Variants in NELL1 observed in about 807,000 individuals in gnomAD.
NELL1 encodes neural EGFL like 1.
In NELL1, 76 loss-of-function variants were observed where a neutral mutation model predicts 107.4. That is an observed-to-expected ratio of 0.71 (90% CI 0.59 to 0.86). The LOEUF is 0.86. Among genes scored for constraint, NELL1 ranks in the 40% least tolerant of loss-of-function variants. NELL1 has a pLI of 0.00. For synonymous variants in NELL1, 353 were observed against 341.2 expected (o/e 1.03, Z -0.38); for missense variants, 1,024 against 1,005.5 (o/e 1.02, Z -0.25).
At chr11:20,693,383 G>C (rs552492873) in intron 2 of NELL1, among the ~76,000 whole-genome samples, 1 of 151,924 alleles carries the variant, frequency 6.6e-6, no homozygotes, top group Admixed American at 6.6e-5. Context: ...TCCTAGTCTC[G>C]ATGGTCTTTA....
chr11:21,308,175 T>C (rs986065885), intron 14 of NELL1, among the ~76,000 whole-genome samples: 2 of 151,978 alleles, frequency 1.3e-5, no homozygotes, highest in Non-Finnish European at 2.9e-5. Context: ...CCTCGTGGGG[T>C]TGCTGTGAAC....
chr11:20,723,260 T>G (rs1855433361), intron 2 of NELL1, among the ~76,000 whole-genome samples: 1 of 152,142 alleles, frequency 6.6e-6, no homozygotes. Context: ...CTCAAAAATC[T>G]AAGTCCAAAG....
At chr11:21,527,556 T>C (rs891793894) in intron 15 of NELL1, among the ~76,000 whole-genome samples, 1 of 152,168 alleles carries the variant, frequency 6.6e-6, no homozygotes, top group African/African-American at 2.4e-5. Context: ...GATAGATGAA[T>C]ATATGAATGG....
At chr11:20,920,824 G>A (rs1429782) in intron 7 of NELL1, among the ~76,000 whole-genome samples, 115,347 of 151,934 alleles carry the variant, frequency 0.76, 46,770 homozygotes, top group East Asian at 0.94. Context: ...TTCTCAAAAC[G>A]TTATTGTGTA....
At chr11:21,279,996 TG>T (rs1848957206) in intron 14 of NELL1, among the ~76,000 whole-genome samples, 1 of 152,130 alleles carries the variant, frequency 6.6e-6, no homozygotes, top group African/African-American at 2.4e-5. Context: ...TTATATGACA[TG>T]ATGAAAAAGG....
At chr11:20,776,544 T>C (rs895979576) in intron 2 of NELL1, among the ~76,000 whole-genome samples, 9 of 151,960 alleles carry the variant, frequency 5.9e-5, no homozygotes, top group African/African-American at 1.9e-4. Context: ...TCTCTGACAA[T>C]TGTGATAAGT....
At chr11:21,364,306 G>T (rs1851159716) in intron 14 of NELL1, among the ~76,000 whole-genome samples, 1 of 150,226 alleles carries the variant, frequency 6.7e-6, no homozygotes, top group Admixed American at 6.7e-5. Context: ...AGCTACTCGG[G>T]AGGCCGAGGC....
At chr11:21,029,452 A>G (rs1255421861) in intron 12 of NELL1, among the ~76,000 whole-genome samples, 1 of 151,848 alleles carries the variant, frequency 6.6e-6, no homozygotes, top group Non-Finnish European at 1.5e-5. Flanking sequence ...CTTCCTCAAC[A>G]TCTCCTCCTC....
intron 14 of NELL1, among the ~76,000 whole-genome samples, chr11:21,370,410 C>G (rs1160419535): frequency 6.6e-6 from 1 of 151,970 alleles, no homozygotes; most frequent in Admixed American, 6.6e-5. Context: ...TATGGACTAT[C>G]AGAAATCTTT....
chr11:20,805,367 T>C (rs1371050675), intron 3 of NELL1, among the ~76,000 whole-genome samples: 1 of 152,202 alleles, frequency 6.6e-6, no homozygotes, highest in African/African-American at 2.4e-5. Context: ...TGTTTTGTGC[T>C]ATTCTCTTTC....
intron 12 of NELL1, among the ~76,000 whole-genome samples, chr11:21,055,440 T>A (rs2134353785): frequency 6.6e-6 from 1 of 152,298 alleles, no homozygotes; most frequent in South Asian, 2.1e-4. Context: ...GTGAACACAG[T>A]ATCCCTCTTT....
At chr11:20,931,771 G>A (rs1358811346) in intron 9 of NELL1, among the ~76,000 whole-genome samples, 2 of 151,850 alleles carry the variant, frequency 1.3e-5, no homozygotes, top group Non-Finnish European at 2.9e-5. Context: ...CCTTGGTTTG[G>A]TTCCTTATTT....
At chr11:20,892,794 C>T (rs879900486) in intron 5 of NELL1, among the ~76,000 whole-genome samples, 20 of 151,986 alleles carry the variant, frequency 1.3e-4, no homozygotes, top group Non-Finnish European at 7.4e-5. Flanking sequence ...CCGGGTGTGG[C>T]GGCACGCGCC....
chr11:21,477,700 C>G (rs1854378049), intron 15 of NELL1, among the ~76,000 whole-genome samples: 1 of 152,002 alleles, frequency 6.6e-6, no homozygotes, highest in South Asian at 2.1e-4. Flanking sequence ...ACCACACAAA[C>G]TAAGTAAGGC....
intron 13 of NELL1, among the ~76,000 whole-genome samples, chr11:21,173,003 A>T (rs1856638839): frequency 6.6e-6 from 1 of 151,742 alleles, no homozygotes; most frequent in South Asian, 2.1e-4. Context: ...TTTAGAAACA[A>T]TAGGAATAAA....
chr11:20,781,280 G>A (rs927895669), intron 2 of NELL1, among the ~76,000 whole-genome samples: 1 of 152,198 alleles, frequency 6.6e-6, no homozygotes, highest in East Asian at 1.9e-4. Flanking sequence ...GGGTGTGACC[G>A]TTTACTAAGA....
At chr11:21,266,766 T>C (rs1298051454) in intron 14 of NELL1, among the ~76,000 whole-genome samples, 1 of 152,084 alleles carries the variant, frequency 6.6e-6, no homozygotes, top group Non-Finnish European at 1.5e-5. Flanking sequence ...TCACGATCAG[T>C]TATAGCACGT....
rs528404785 is a variant in NELL1 at position 21,420,027 on chromosome 11, A to G, written c.1645+49079A>G. 2.6e-5 allele frequency among the ~76,000 whole-genome samples: 4 copies of G among 152,150 alleles called. No homozygotes were observed. In the South Asian group the frequency reaches 8.3e-4, roughly 32 times the overall value. On this transcript the variant is annotated intron_variant, in intron 15 of 19. Transcript: ENST00000357134. ...TTCCCATATTACACTTGCCATATTA[A>G]TACAATACTTAGAGGTGCGTGTGGG... is the stretch of plus-strand genomic sequence containing the variant.
intron 12 of NELL1, among the ~76,000 whole-genome samples, chr11:21,065,533 TA>T (rs1853846872): frequency 6.6e-6 from 1 of 152,216 alleles, no homozygotes; most frequent in Non-Finnish European, 1.5e-5. Flanking sequence ...ATTTTGTTTT[TA>T]CCACCCTTGA....
Sources: allele counts gnomAD v4.1 joint callset (sites outside exome capture counted in the v4.1 genomes callset), GRCh38; gene constraint gnomAD v4.1.1; transcripts MANE v1.5; gene names NCBI Gene and HGNC (gene_info 2026-07-23, HGNC 2026-07-21).